Variants in ZNF585B observed in about 807,000 individuals in gnomAD.
The protein encoded by ZNF585B is zinc finger protein 585B.
In ZNF585B, 7 loss-of-function variants were observed where a neutral mutation model predicts 14.0. The observed-to-expected ratio is 0.50, with a 90% CI of 0.28 to 0.94. ZNF585B has a LOEUF of 0.94. ZNF585B is among the 40% of genes least tolerant of loss of function. The probability of loss-of-function intolerance (pLI) is 0.09; values close to 1 mark genes in which losing one functional copy is unlikely to be tolerated. For missense variants in ZNF585B, 750 were observed against 924.4 expected (o/e 0.81, Z 2.45); for synonymous variants, 290 against 317.3 (o/e 0.91, Z 0.91).
rs1445401797 is a variant in ZNF585B, at chr19:37,190,008, A to C, written c.199+16T>G. The C allele has an allele frequency of 3.1e-6, 5 of 1,613,066 alleles. No homozygotes were observed. Among genetic ancestry groups the C allele is most frequent in the Non-Finnish European group, 3.4e-6 (4 of 1,179,514 alleles). ...CAGTGAGGCCTCCTTTCAGATACCA[A>C]GGTGACTGTGCTTACCTACTGAGAG... On this transcript the variant is annotated intron_variant, in intron 3 of 4. Coordinates refer to ENST00000532828, the MANE Select transcript of ZNF585B (RefSeq NM_152279.4).
intron 1 of ZNF585B, among the ~76,000 whole-genome samples, chr19:37,208,768 G>A (rs1030395880): frequency 3.3e-5 from 5 of 152,090 alleles, no homozygotes; most frequent in African/African-American, 1.2e-4. Context: ...AAGCACAATG[G>A]ATCACTTGAG....
Position 37,186,769 on chromosome 19 carries a change from T to G in ZNF585B, c.768A>C (p.Thr256=), listed in dbSNP as rs199971257. Residue 256 remains threonine (T), a synonymous_variant, in exon 5 of 5, where the codon ACA becomes ACC. Coordinates refer to ENST00000532828, the MANE Select transcript of ZNF585B (RefSeq NM_152279.4). The part of the protein sequence containing the change: ...DCGKAFTQKS[T]LKIHQKIHTG... The stretch of plus-strand genomic sequence containing the variant: ...TATGGATTTTCTGATGAATCTTGAG[T>G]GTGGACTTTTGTGTGAACGCTTTGC... The G allele has an allele frequency of 1.9e-6, 3 of 1,614,178 alleles. No homozygotes were observed. The highest frequency in any genetic ancestry group is 1.7e-6 in the Non-Finnish European group (2 of 1,180,022).
At position 37,184,490 on chromosome 19, in the gene ZNF585B, AAGAAAGAAAGAAAG is replaced by A. The variant is rs1342196049; in HGVS notation, c.*723_*736del. On this transcript the variant is annotated 3_prime_UTR_variant, in exon 5 of 5. Transcript: ENST00000532828. ...AAAGAAAGAAAGAAAGAAAGAAAGA[AAGAAAGAAAGAAAG>A]AGAAAGAAAGAAAGAAAAAGAAAAA... 5 of 111,454 alleles carry A rather than the reference AAGAAAGAAAGAAAG, an allele frequency of 4.5e-5. No individual in the cohort carries two copies. Among genetic ancestry groups the A allele is most frequent in the South Asian group, 2.8e-4 (1 of 3,592 alleles). The allele number at this position is 111,454 out of a possible 1,614,324, so 6.9% of individuals were successfully genotyped here. A position where few individuals can be genotyped will look rare whatever the true frequency, so the allele number is the denominator to read the frequency against.
intron 2 of ZNF585B, among the ~76,000 whole-genome samples, chr19:37,202,925 G>A (rs1254876004): frequency 2.6e-5 from 4 of 152,166 alleles, no homozygotes; most frequent in Non-Finnish European, 5.9e-5. Flanking sequence ...TTACAGGCAT[G>A]AGCCACCACG....
intron 2 of ZNF585B, among the ~76,000 whole-genome samples, chr19:37,198,202 G>C (rs1443396514): frequency 1.3e-5 from 2 of 151,946 alleles, no homozygotes; most frequent in Non-Finnish European, 2.9e-5. Flanking sequence ...ATGGACTTTT[G>C]CTCTTGTTGC....
intron 2 of ZNF585B, among the ~76,000 whole-genome samples, chr19:37,205,887 G>A (rs1040065257): frequency 2.6e-5 from 4 of 151,180 alleles, no homozygotes; most frequent in South Asian, 2.1e-4. Flanking sequence ...CGAGACCAGC[G>A]TGGCCCAGAT....
rs1305323456 is a variant in ZNF585B, at chr19:37,189,751, A to G, written c.202T>C (p.Tyr68His). 6.2e-6 allele frequency: 10 copies of G among 1,614,060 alleles called. No homozygotes were observed. The East Asian group carries it at 2.2e-4, about 36-fold the overall frequency. ...ACCACCTCTGGTTTAGGAACTTGATACCCTGTTCATGGGAAATGATAAAGG... is the reference window on the plus strand; with the variant it reads ...ACCACCTCTGGTTTAGGAACTTGATGCCCTGTTCATGGGAAATGATAAAGG... Reference protein sequence around the residue: ...ETYSHLLSVGYQVPKPEVVML... With the variant: ...ETYSHLLSVGHQVPKPEVVML... The change falls in exon 4 of 5, where the codon TAT (tyrosine) becomes CAT (histidine). Residue 68 changes from tyrosine to histidine, a missense_variant and splice_region_variant. Transcript: ENST00000532828.
At chr19:37,188,756 G>A (rs1268715089) in intron 4 of ZNF585B, among the ~76,000 whole-genome samples, 1 of 152,082 alleles carries the variant, frequency 6.6e-6, no homozygotes, top group East Asian at 1.9e-4. Context: ...GGAAATGTGA[G>A]AAAGGGTGAT....
At position 37,185,621 on chromosome 19, in the gene ZNF585B, C is replaced by T. The variant is rs1369080965; in HGVS notation, c.1916G>A (p.Cys639Tyr). ...TGACCTGCCACTAAAGGCTTTCCCA[C>T]ACTCGGCACACACATAGGGTTTCTC... ...TGEKPYVCAE[C>Y]GKAFSGRSNL... Residue 639 changes from cysteine to tyrosine, a missense_variant, in exon 5 of 5, where the codon TGT becomes TAT. Physicochemically the swap from Cys to Tyr is radical, Grantham distance 194 (BLOSUM62 -2). Transcript: ENST00000532828. 1 of 1,614,124 alleles carries T rather than the reference C, an allele frequency of 6.2e-7. No homozygotes were observed. The highest frequency in any genetic ancestry group is 1.3e-5 in the African/African-American group (1 of 75,038).
chr19:37,186,893 T>G lies in ZNF585B; in HGVS notation c.644A>C (p.Glu215Ala). 1 of 1,613,996 alleles carries G rather than the reference T, an allele frequency of 6.2e-7. No homozygotes were observed. The highest frequency in any genetic ancestry group is 1.1e-5 in the South Asian group (1 of 91,036). Residue 215 changes from glutamate to alanine, a missense_variant, in exon 5 of 5, where the codon GAA (glutamate) becomes GCA (alanine). By Grantham distance (107) the Glu-to-Ala change is moderately radical. Coordinates refer to ENST00000532828, the MANE Select transcript of ZNF585B (RefSeq NM_152279.4). ...GAAACCTTTCCCACATTCACTACATTCATATAGTTTTTCTCCGGTATGAAT... is the reference window on the plus strand; with the variant it reads ...GAAACCTTTCCCACATTCACTACATGCATATAGTTTTTCTCCGGTATGAAT... ...HRIHTGEKLY[E>A]CSECGKGFPY... is the part of the protein sequence containing the mutation.
Position 37,185,560 on chromosome 19 carries a change from T to C in ZNF585B, c.1977A>G (p.Glu659=). ...CACATTCAGAACAAATGTAGGGCTT[T>C]TCTCCGGTATGAGTTTTCTGGTGCT... is the stretch of plus-strand genomic sequence containing the variant. The part of the protein sequence containing the change: ...LSKHQKTHTG[E]KPYICSECGK... Residue 659 remains glutamate (E), a synonymous_variant, in exon 5 of 5, where the codon GAA becomes GAG. Transcript: ENST00000532828. 6.2e-7 allele frequency: 1 copy of C among 1,613,168 alleles called. No individual in the cohort carries two copies. Among genetic ancestry groups the C allele is most frequent in the Non-Finnish European group, 8.5e-7 (1 of 1,179,754 alleles).
intron 2 of ZNF585B, among the ~76,000 whole-genome samples, chr19:37,204,649 G>A (rs1413116356): frequency 1.3e-5 from 2 of 152,074 alleles, no homozygotes; most frequent in Non-Finnish European, 2.9e-5. Flanking sequence ...CTCATAGCTA[G>A]GTGTAATCTC....
intron 4 of ZNF585B, 57 bp from the exon 5 acceptor site, chr19:37,187,301 TTC>T: frequency 8.1e-7 from 1 of 1,240,434 alleles, no homozygotes; most frequent in Non-Finnish European, 1.1e-6. Flanking sequence ...GTTAGTACTC[TTC>T]TTAACATTCT....
intron 2 of ZNF585B, among the ~76,000 whole-genome samples, chr19:37,203,519 T>A (rs963435172): frequency 9.2e-5 from 14 of 151,474 alleles, no homozygotes; most frequent in Admixed American, 2.0e-4. Context: ...TATTGAACTA[T>A]TTTGCGTTGT....
At chr19:37,195,921 G>A (rs937858487) in intron 2 of ZNF585B, 1 of 152,500 alleles carries the variant, frequency 6.6e-6, no homozygotes, top group Non-Finnish European at 1.5e-5. Flanking sequence ...AGCTACTCGG[G>A]AGGCTGAGGC....
chr19:37,206,023 T>A (rs1402869241), intron 2 of ZNF585B, among the ~76,000 whole-genome samples: 4 of 151,990 alleles, frequency 2.6e-5, no homozygotes, highest in African/African-American at 9.7e-5. Context: ...GAGGTTGCAG[T>A]GAGCGGAGAT....
chr19:37,195,278 G>A (rs1424248558), intron 2 of ZNF585B, among the ~76,000 whole-genome samples: 1 of 144,214 alleles, frequency 6.9e-6, no homozygotes, highest in Non-Finnish European at 1.5e-5. Context: ...CCCGGGAGGA[G>A]GAGGTTGCAG....
At position 37,186,918 on chromosome 19, in the gene ZNF585B, T is replaced by C; in HGVS notation, c.619A>G (p.Ile207Val). Reference protein sequence around the residue: ...QVSSLFRHHRIHTGEKLYECS... With the variant: ...QVSSLFRHHRVHTGEKLYECS... ...TCATATAGTTTTTCTCCGGTATGAA[T>C]TCTGTGATGCCTGAAAAGAGACGAT... is the stretch of plus-strand genomic sequence containing the variant. The change falls in exon 5 of 5, where the codon ATT becomes GTT. Residue 207 changes from isoleucine (I) to valine (V), a missense_variant. By Grantham distance (29) the Ile-to-Val change is conservative. Around this residue, in one of 2 missense-constraint regions of ZNF585B, gnomAD observed 517 missense variants for 570.3 expected, o/e 0.91. Coordinates refer to ENST00000532828, the MANE Select transcript of ZNF585B (RefSeq NM_152279.4). 6.2e-7 allele frequency: 1 copy of C among 1,614,168 alleles called. No homozygotes were observed. Among genetic ancestry groups the C allele is most frequent in the Non-Finnish European group, 8.5e-7 (1 of 1,180,010 alleles).
At position 37,186,900 on chromosome 19, in the gene ZNF585B, G is replaced by C; in HGVS notation, c.637C>G (p.Leu213Val). Residue 213 changes from leucine (L) to valine (V), a missense_variant, in exon 5 of 5, where the codon CTA becomes GTA. By Grantham distance (32) the Leu-to-Val change is conservative. This residue lies in a region of ZNF585B where 517 missense variants were observed against 570.3 expected (regional missense o/e 0.91). Transcript: ENST00000532828. ...TTCCCACATTCACTACATTCATATAGTTTTTCTCCGGTATGAATTCTGTGA... is the reference window on the plus strand; with the variant it reads ...TTCCCACATTCACTACATTCATATACTTTTTCTCCGGTATGAATTCTGTGA... Reference protein sequence around the residue: ...RHHRIHTGEKLYECSECGKGF... With the variant: ...RHHRIHTGEKVYECSECGKGF... The C allele has an allele frequency of 1.9e-6, 3 of 1,614,012 alleles. No homozygotes were observed. The highest frequency in any genetic ancestry group is 2.5e-6 in the Non-Finnish European group (3 of 1,179,998).
Sources: allele counts gnomAD v4.1 joint callset (sites outside exome capture counted in the v4.1 genomes callset), GRCh38; gene constraint gnomAD v4.1.1; regional missense constraint gnomAD v4.1.1; transcripts MANE v1.5; gene names NCBI Gene and HGNC (gene_info 2026-07-23, HGNC 2026-07-21).